The following CNTNAP2 variants were observed in gnomAD, a reference collection of about 807,000 sequenced individuals.
The protein encoded by CNTNAP2 is contactin associated protein 2.
CNTNAP2 carries 98 observed loss-of-function variants against 155.2 expected under a neutral mutation model. That is an observed-to-expected ratio of 0.63 (90% CI 0.54 to 0.75). The LOEUF is 0.75. Among genes scored for constraint, CNTNAP2 ranks in the 30% least tolerant of loss-of-function variants. The pLI is 0.00. For missense variants in CNTNAP2, 1,727 were observed against 1,688.1 expected (o/e 1.02, Z -0.40); for synonymous variants, 651 against 631.2 (o/e 1.03, Z -0.47).
intron 13 of CNTNAP2, among the ~76,000 whole-genome samples, chr7:147,839,590 G>T (rs1281348747): frequency 6.6e-6 from 1 of 152,008 alleles, no homozygotes; most frequent in Non-Finnish European, 1.5e-5. Context: ...ATTCTTTGTT[G>T]TCAGGGGCTG....
At chr7:147,376,073 T>C (rs1182213995) in intron 9 of CNTNAP2, among the ~76,000 whole-genome samples, 1 of 152,072 alleles carries the variant, frequency 6.6e-6, no homozygotes, top group Non-Finnish European at 1.5e-5. Flanking sequence ...TTCCCACATA[T>C]ATTTAGGAAC....
chr7:146,580,279 CTTGT>C (rs1798591532), intron 1 of CNTNAP2, among the ~76,000 whole-genome samples: 1 of 151,944 alleles, frequency 6.6e-6, no homozygotes, highest in Non-Finnish European at 1.5e-5. Context: ...CGTTGTATGA[CTTGT>C]TTGTTTTTTA....
At chr7:148,028,742 C>A (rs538317819) in intron 15 of CNTNAP2, among the ~76,000 whole-genome samples, 1 of 152,270 alleles carries the variant, frequency 6.6e-6, no homozygotes, top group African/African-American at 2.4e-5. Context: ...TCACATGGGT[C>A]CTTCCTGTGC....
chr7:146,210,647 T>A (rs1182027835), intron 1 of CNTNAP2, among the ~76,000 whole-genome samples: 1 of 152,192 alleles, frequency 6.6e-6, no homozygotes, highest in Non-Finnish European at 1.5e-5. Flanking sequence ...GTTACCAGGC[T>A]ATACCTATAT....
chr7:147,345,706 A>G lies in CNTNAP2; in HGVS notation c.1498+45416A>G, dbSNP rs1183570451. 2.0e-5 allele frequency among the ~76,000 whole-genome samples: 3 copies of G among 152,204 alleles called. No homozygotes were observed. In the East Asian group the frequency reaches 5.8e-4, roughly 29 times the overall value. The stretch of plus-strand genomic sequence containing the variant: ...AGTTTTTTTCTGTTTCATTAAAGAC[A>G]ATACATGCTTTCTACTGTTTTCTTT... On this transcript the variant is annotated intron_variant, in intron 9 of 23. Coordinates refer to ENST00000361727, the MANE Select transcript of CNTNAP2 (RefSeq NM_014141.6).
At chr7:146,935,725 C>T (rs1309713322) in intron 3 of CNTNAP2, among the ~76,000 whole-genome samples, 1 of 152,154 alleles carries the variant, frequency 6.6e-6, no homozygotes, top group Admixed American at 6.5e-5. Context: ...TGTGCAGCTG[C>T]TGGCACTTAT....
chr7:146,735,068 T>C (rs765352847), intron 1 of CNTNAP2, among the ~76,000 whole-genome samples: 12 of 152,320 alleles, frequency 7.9e-5, no homozygotes, highest in Non-Finnish European at 7.4e-5. Context: ...AATATCATGA[T>C]GATCAAAACA....
At chr7:148,221,919 A>G (rs1795753077) in intron 19 of CNTNAP2, among the ~76,000 whole-genome samples, 1 of 152,212 alleles carries the variant, frequency 6.6e-6, no homozygotes. Flanking sequence ...TTTAATTCCC[A>G]GTAGTGTTTA....
intron 1 of CNTNAP2, among the ~76,000 whole-genome samples, chr7:146,226,325 T>C (rs1799292201): frequency 6.6e-6 from 1 of 152,120 alleles, no homozygotes; most frequent in Admixed American, 6.6e-5. Flanking sequence ...AGTTAGAGGG[T>C]AGATGATGGC....
intron 8 of CNTNAP2, among the ~76,000 whole-genome samples, chr7:147,213,471 T>C (rs1803200370): frequency 6.6e-6 from 1 of 151,930 alleles, no homozygotes. Context: ...ACCAAGGAAA[T>C]CATGTTAGTA....
At chr7:147,167,203 G>T in intron 8 of CNTNAP2, 1 of 320,410 alleles carries the variant, frequency 3.1e-6, no homozygotes, top group South Asian at 9.1e-5. Context: ...GGATCTTCAT[G>T]TTCTTTGCCA....
intron 19 of CNTNAP2, among the ~76,000 whole-genome samples, chr7:148,223,499 AT>A (rs1795789582): frequency 6.6e-6 from 1 of 152,204 alleles, no homozygotes; most frequent in South Asian, 2.1e-4. Flanking sequence ...AACTGCTTTA[AT>A]TCACTTGGGA....
At chr7:146,602,638 T>C (rs1296813076) in intron 1 of CNTNAP2, among the ~76,000 whole-genome samples, 1 of 152,224 alleles carries the variant, frequency 6.6e-6, no homozygotes, top group Non-Finnish European at 1.5e-5. Context: ...TTGCCCTTGA[T>C]ACTAGTTAAA....
intron 10 of CNTNAP2, among the ~76,000 whole-genome samples, chr7:147,468,158 G>A (rs1231644006): frequency 6.6e-6 from 1 of 151,996 alleles, no homozygotes; most frequent in Non-Finnish European, 1.5e-5. Flanking sequence ...GGGTGTAGTG[G>A]CACGTGCCTA....
chr7:146,633,920 A>G (rs749516949), intron 1 of CNTNAP2, among the ~76,000 whole-genome samples: 1 of 151,522 alleles, frequency 6.6e-6, no homozygotes, highest in African/African-American at 2.4e-5. Context: ...AAAAGAGACG[A>G]TAGACATTTC....
intron 23 of CNTNAP2, among the ~76,000 whole-genome samples, chr7:148,413,821 GTTC>G (rs754638544): frequency 2.6e-4 from 30 of 114,814 alleles, no homozygotes; most frequent in Non-Finnish European, 1.2e-4. Context: ...ATTATGAAAT[GTTC>G]TTCATTTCTA....
chr7:148,324,110 C>T (rs1243862717), intron 21 of CNTNAP2, among the ~76,000 whole-genome samples: 1 of 152,050 alleles, frequency 6.6e-6, no homozygotes, highest in Non-Finnish European at 1.5e-5. Flanking sequence ...GTCTCGAACT[C>T]CTGACCTCAG....
intron 1 of CNTNAP2, among the ~76,000 whole-genome samples, chr7:146,417,342 A>G (rs138831414): frequency 1.4e-4 from 22 of 152,304 alleles, no homozygotes; most frequent in Middle Eastern, 6.8e-3. Flanking sequence ...AGAGAATGAG[A>G]TGTAGCAGCA....
At chr7:147,158,714 G>A (rs1801971539) in intron 8 of CNTNAP2, among the ~76,000 whole-genome samples, 1 of 152,106 alleles carries the variant, frequency 6.6e-6, no homozygotes, top group South Asian at 2.1e-4. Context: ...CCTGAATGAT[G>A]GAGTTTTCTG....
Sources: gnomAD v4.1 joint callset for allele counts (sites outside exome capture counted in the v4.1 genomes callset) on GRCh38, gnomAD v4.1.1 for gene constraint, MANE v1.5 for transcripts, NCBI Gene and HGNC (gene_info 2026-07-23, HGNC 2026-07-21) for gene names.